MUSK: variants seen among roughly 807,000 people sequenced by gnomAD.
MUSK encodes the protein muscle, skeletal receptor tyrosine-protein kinase.
Under a neutral mutation model 88.7 loss-of-function variants are expected in MUSK, and 55 were observed. The ratio of observed to expected loss-of-function variants is 0.62; its 90% CI spans 0.50 to 0.78. MUSK has a LOEUF of 0.78. Among genes scored for constraint, MUSK ranks in the 30% least tolerant of loss-of-function variants. The pLI is 0.00. For missense variants in MUSK, 1,015 were observed against 1,074.3 expected (o/e 0.94, Z 0.77); for synonymous variants, 387 against 391.9 (o/e 0.99, Z 0.15).
rs1277910534 is a variant in MUSK, at chr9:110,716,388, C to T, written c.629-17863C>T. Reference sequence around the variant, plus strand: ...TTAATGCTGTCACCAAATAAATTCTCACAAAGTAATAGAAAGCTCAGGAAA... The same window carrying T: ...TTAATGCTGTCACCAAATAAATTCTTACAAAGTAATAGAAAGCTCAGGAAA... On this transcript the variant is annotated intron_variant, in intron 5 of 14. Transcript: ENST00000374448. 1.3e-5 allele frequency among the ~76,000 whole-genome samples: 2 copies of T among 149,822 alleles called. 1 individual carries two copies. The highest frequency in any genetic ancestry group is 5.1e-5 in the African/African-American group (2 of 39,506).
intron 7 of MUSK, among the ~76,000 whole-genome samples, chr9:110,755,955 TATATATATAC>T (rs2077312351): frequency 1.4e-4 from 13 of 89,976 alleles, no homozygotes; most frequent in South Asian, 1.2e-3. Context: ...TATATACACA[TATATATATAC>T]ATATATATAT....
chr9:110,751,028 C>T (rs1281275569), intron 7 of MUSK, among the ~76,000 whole-genome samples: 1 of 152,084 alleles, frequency 6.6e-6, no homozygotes, highest in Non-Finnish European at 1.5e-5. Context: ...TTAGAGCCTA[C>T]TCATCATAAG....
intron 6 of MUSK, among the ~76,000 whole-genome samples, chr9:110,744,358 G>T (rs2077145856): frequency 2.0e-5 from 3 of 152,180 alleles, no homozygotes; most frequent in Non-Finnish European, 4.4e-5. Context: ...ACCTTTCAGA[G>T]GTCTTCCCTA....
At chr9:110,764,506 G>A (rs2077445455) in intron 8 of MUSK, among the ~76,000 whole-genome samples, 1 of 152,058 alleles carries the variant, frequency 6.6e-6, no homozygotes, top group Non-Finnish European at 1.5e-5. Context: ...CTGCACAAGA[G>A]GAGAGGAAAA....
At chr9:110,674,835 C>T (rs547422051) in intron 1 of MUSK, among the ~76,000 whole-genome samples, 2 of 152,212 alleles carry the variant, frequency 1.3e-5, no homozygotes, top group East Asian at 3.9e-4. Context: ...TGGTCTCAAA[C>T]TCCTAGGCTC....
At chr9:110,702,493 A>T (rs989582995) in intron 5 of MUSK, among the ~76,000 whole-genome samples, 1 of 152,286 alleles carries the variant, frequency 6.6e-6, no homozygotes. Context: ...CGTGAGGGAG[A>T]AAAAACCAGG....
chr9:110,766,816 A>G (rs372561675), intron 8 of MUSK, among the ~76,000 whole-genome samples: 1 of 152,238 alleles, frequency 6.6e-6, no homozygotes, highest in Non-Finnish European at 1.5e-5. Context: ...TACTAACACT[A>G]TGGAAGATCT....
At chr9:110,748,237 T>C (rs926734695) in intron 7 of MUSK, among the ~76,000 whole-genome samples, 1 of 144,044 alleles carries the variant, frequency 6.9e-6, no homozygotes, top group Non-Finnish European at 1.5e-5. Context: ...TTTTCTTTAA[T>C]TTCCTTTCCT....
intron 8 of MUSK, among the ~76,000 whole-genome samples, chr9:110,766,882 TTCAATATATGTTTG>T (rs1390413149): frequency 6.6e-6 from 1 of 152,212 alleles, no homozygotes; most frequent in African/African-American, 2.4e-5. Flanking sequence ...ATAATAAGTA[TTCAATATATGTTTG>T]TCAGGTGAGA....
In MUSK at chr9:110,673,460, A is replaced by G. The variant is rs116294361; in HGVS notation, c.79+4477A>G. ...ATAAAAAGTATAATGCATGGCACAT[A>G]CCAGATTCTTAATCACTTTTAGATG... On this transcript the variant is annotated intron_variant, in intron 1 of 14. Coordinates refer to ENST00000374448, the MANE Select transcript of MUSK (RefSeq NM_005592.4). Among the ~76,000 whole-genome samples, 700 of 152,354 alleles carry G rather than the reference A, an allele frequency of 4.6e-3. 8 individuals carry two copies. The highest frequency in any genetic ancestry group is 0.015 in the African/African-American group (640 of 41,596).
intron 6 of MUSK, among the ~76,000 whole-genome samples, chr9:110,742,229 G>A (rs2077110161): frequency 6.6e-6 from 1 of 152,088 alleles, no homozygotes; most frequent in African/African-American, 2.4e-5. Context: ...GGCCAAGGTG[G>A]GAGGATTATG....
At chr9:110,694,585 T>C (rs1369089780) in intron 3 of MUSK, among the ~76,000 whole-genome samples, 1 of 152,080 alleles carries the variant, frequency 6.6e-6, no homozygotes, top group Non-Finnish European at 1.5e-5. Context: ...AGAAATAAAA[T>C]GTGTCCATTG....
At chr9:110,688,363 T>A (rs1037684007) in intron 3 of MUSK, among the ~76,000 whole-genome samples, 2 of 152,258 alleles carry the variant, frequency 1.3e-5, no homozygotes, top group Non-Finnish European at 2.9e-5. Flanking sequence ...TCTTTTTTTT[T>A]CAATTTTAAG....
chr9:110,770,648 T>C (rs1487632742), intron 9 of MUSK, among the ~76,000 whole-genome samples: 1 of 151,360 alleles, frequency 6.6e-6, no homozygotes, highest in African/African-American at 2.4e-5. Context: ...CAGAGCTATA[T>C]TTACATTACT....
intron 7 of MUSK, among the ~76,000 whole-genome samples, chr9:110,748,668 A>AT (rs1279631185): frequency 1.3e-5 from 2 of 152,000 alleles, no homozygotes. Context: ...GCAAGCACGG[A>AT]TAGAGCTTGT....
At position 110,692,990 on chromosome 9, in the gene MUSK, C is replaced by T. The variant is rs552120671; in HGVS notation, c.359-2413C>T. Among the ~76,000 whole-genome samples, 3 of 152,136 alleles carry T rather than the reference C, an allele frequency of 2.0e-5. No homozygotes were observed. In the South Asian group the frequency reaches 6.2e-4, roughly 32 times the overall value. On this transcript the variant is annotated intron_variant, in intron 3 of 14. Coordinates refer to ENST00000374448, the MANE Select transcript of MUSK (RefSeq NM_005592.4). Reference sequence around the variant, plus strand: ...TAGGATAAAAAGCTGGTGGGAATAGCATGACTTTATGGAATACTGATTTGG... The same window carrying T: ...TAGGATAAAAAGCTGGTGGGAATAGTATGACTTTATGGAATACTGATTTGG...
intron 11 of MUSK, among the ~76,000 whole-genome samples, chr9:110,780,653 G>A (rs953576712): frequency 1.3e-5 from 2 of 152,124 alleles, no homozygotes; most frequent in Middle Eastern, 3.2e-3. Context: ...CATTTCTTTG[G>A]GTGGTTTATA....
Position 110,767,820 on chromosome 9 carries a change from T to C in MUSK, c.921T>C (p.Ser307=). The C allele has an allele frequency of 6.2e-7, 1 of 1,613,704 alleles. No individual in the cohort carries two copies. The highest frequency in any genetic ancestry group is 8.5e-7 in the Non-Finnish European group (1 of 1,179,836). Residue 307 remains serine, a splice_region_variant and synonymous_variant, in exon 9 of 15, where the codon AGT becomes AGC. Transcript: ENST00000374448. ...AAATGTTGTTCATTTCTTCTTTCAG[T>C]AAACCACAGAAAGATAACAAAGGCT... is the stretch of plus-strand genomic sequence containing the variant. ...AAATISIAEW[S]KPQKDNKGYC... is the part of the protein sequence containing the mutation.
At chr9:110,784,672 T>A (rs1283404591) in intron 11 of MUSK, 143 bp from the exon 12 acceptor site, 7 of 613,104 alleles carry the variant, frequency 1.1e-5, no homozygotes, top group Non-Finnish European at 1.9e-5. Context: ...TAGACCTTAC[T>A]GAACTTTATA....
Sources: allele counts gnomAD v4.1 joint callset (sites outside exome capture counted in the v4.1 genomes callset), GRCh38; gene constraint gnomAD v4.1.1; transcripts MANE v1.5; gene names NCBI Gene and HGNC (gene_info 2026-07-23, HGNC 2026-07-21).